ARID3A: variants seen among roughly 807,000 people sequenced by gnomAD.
ARID3A encodes AT-rich interaction domain 3A.
A neutral mutation model predicts 52.7 loss-of-function variants in ARID3A; 11 were observed. The observed-to-expected ratio is 0.21, with a 90% CI of 0.13 to 0.35. The LOEUF (loss-of-function observed/expected upper bound fraction) is 0.35. Ranked by LOEUF, ARID3A falls within the 10% of genes least tolerant of loss-of-function variation. The pLI, the probability that ARID3A is intolerant of heterozygous loss-of-function variation, is 1.00. For synonymous variants in ARID3A, 404 were observed against 359.4 expected (o/e 1.12, Z -1.40); for missense variants, 721 against 838.5 (o/e 0.86, Z 1.73).
At chr19:948,148 A>G (rs1185800602) in intron 3 of ARID3A, among the ~76,000 whole-genome samples, 1 of 150,096 alleles carries the variant, frequency 6.7e-6, no homozygotes, top group Non-Finnish European at 1.5e-5. Context: ...GTTTCCCTTC[A>G]CAGCCCACCC....
intron 6 of ARID3A, 131 bp from the exon 7 acceptor site, chr19:966,441 A>G (rs2038155365): frequency 2.5e-6 from 2 of 808,058 alleles, no homozygotes; most frequent in South Asian, 2.7e-5. Context: ...CTGGGCAACA[A>G]GAGTGAAACT....
chr19:933,846 T>TCG (rs1555726110), intron 3 of ARID3A, among the ~76,000 whole-genome samples: 2 of 43,292 alleles, frequency 4.6e-5, no homozygotes, highest in South Asian at 1.5e-3. Context: ...GGGGACTCGG[T>TCG]GGGGGGGGGG....
At chr19:963,960 C>G (rs1257238383) in intron 4 of ARID3A, among the ~76,000 whole-genome samples, 3 of 152,216 alleles carry the variant, frequency 2.0e-5, no homozygotes, top group Non-Finnish European at 2.9e-5. Flanking sequence ...GTCTCCCGCA[C>G]GTCCCTCCTC....
Position 959,268 on chromosome 19 carries a change from A to G in ARID3A, c.694-824A>G, listed in dbSNP as rs1291296814. Among the ~76,000 whole-genome samples the G allele has an allele frequency of 6.6e-6, 1 of 152,118 alleles. No individual in the cohort carries two copies. The highest frequency in any genetic ancestry group is 1.5e-5 in the Non-Finnish European group (1 of 68,018). On this transcript the variant is annotated intron_variant, in intron 3 of 8. Transcript: ENST00000263620. The surrounding 1 kb of genome is among the most constrained non-coding windows in gnomAD (Gnocchi z 5.0). ...TCGGAGGGAACGCAACCCTGCAGAC[A>G]TCTTTTGTTTTGTTTTGTTTTTAGA...
intron 1 of ARID3A, among the ~76,000 whole-genome samples, chr19:926,425 G>T (rs2037200306): frequency 6.6e-6 from 1 of 151,666 alleles, no homozygotes; most frequent in African/African-American, 2.4e-5. Flanking sequence ...GGCGAGCAGG[G>T]GCGATCGGGG....
intron 4 of ARID3A, among the ~76,000 whole-genome samples, chr19:963,941 G>C (rs915951534): frequency 1.3e-5 from 2 of 152,196 alleles, no homozygotes. Flanking sequence ...GAATAACAAA[G>C]ATCCGGGCGT....
At chr19:931,744 C>T (rs763183669) in intron 2 of ARID3A, among the ~76,000 whole-genome samples, 2 of 148,256 alleles carry the variant, frequency 1.3e-5, no homozygotes, top group Non-Finnish European at 1.5e-5. Flanking sequence ...ACCCGGGAGG[C>T]GGAGCTTGCA....
At chr19:963,101 C>CGGG (rs2145448935) in intron 4 of ARID3A, among the ~76,000 whole-genome samples, 1 of 152,182 alleles carries the variant, frequency 6.6e-6, no homozygotes, top group African/African-American at 2.4e-5. Flanking sequence ...CCGGGGGTTC[C>CGGG]GGGGGTAGCA....
chr19:959,976 C>T lies in ARID3A; in HGVS notation c.694-116C>T, dbSNP rs2038004827. On this transcript the variant is annotated intron_variant, in intron 3 of 8. Transcript: ENST00000263620. The surrounding 1 kb of genome is among the most constrained non-coding windows in gnomAD (Gnocchi z 5.0). ...CGGCTCTGGCAGCGGCTTGAGGGTCCTAGGGGTGGTGACCCCTGCTCCTGT... is the reference window on the plus strand; with the variant it reads ...CGGCTCTGGCAGCGGCTTGAGGGTCTTAGGGGTGGTGACCCCTGCTCCTGT... 3.7e-6 allele frequency: 3 copies of T among 810,886 alleles called. No individual in the cohort carries two copies. Among genetic ancestry groups the T allele is most frequent in the Admixed American group, 2.7e-5 (1 of 36,720 alleles). 50.2% of individuals were successfully genotyped at this position (810,886 alleles called of 1,614,324 possible).
At chr19:934,241 G>A (rs1327133015) in intron 3 of ARID3A, among the ~76,000 whole-genome samples, 1 of 152,134 alleles carries the variant, frequency 6.6e-6, no homozygotes, top group Non-Finnish European at 1.5e-5. Context: ...GTCCTTCGGG[G>A]GTCAGAGGTG....
Position 964,513 on chromosome 19 carries a change from G to T in ARID3A, c.950+82G>T, listed in dbSNP as rs1438332612. 3.4e-6 allele frequency: 5 copies of T among 1,466,816 alleles called. No homozygotes were observed. The highest frequency in any genetic ancestry group is 3.6e-6 in the Non-Finnish European group (4 of 1,098,272). The allele number at this position is 1,466,816 out of a possible 1,614,324, so 90.9% of individuals were successfully genotyped here. A position where few individuals can be genotyped will look rare whatever the true frequency, so the allele number is the denominator to read the frequency against. On this transcript the variant is annotated intron_variant, in intron 5 of 8. Transcript: ENST00000263620. The surrounding 1 kb of genome is among the most constrained non-coding windows in gnomAD (Gnocchi z 5.7). ...AAGGGGCCTGCAGAAGAGGGAGGGG[G>T]TGGTGGGCAGCTGCAGAGGAGGGGG...
intron 8 of ARID3A, among the ~76,000 whole-genome samples, chr19:969,607 G>A (rs1330203115): frequency 6.6e-6 from 1 of 150,952 alleles, no homozygotes; most frequent in Non-Finnish European, 1.5e-5. Context: ...GATATATATA[G>A]ATTAGATATA....
chr19:932,466 TGAGGAGGAG>T lies in ARID3A; in HGVS notation c.429_437del (p.Glu143_Glu145del). On this transcript the variant is annotated inframe_deletion, in exon 3 of 9. Transcript: ENST00000263620. ...AGATGGAGGAAGACCTCGGGGAGGA[TGAGGAGGAG>T]GAGGAGGAGGATTACGAGGATGAGG... 4 of 1,569,766 alleles carry T rather than the reference TGAGGAGGAG, an allele frequency of 2.5e-6. No homozygotes were observed. Among genetic ancestry groups the T allele is most frequent in the Non-Finnish European group, 2.6e-6 (3 of 1,163,282 alleles).
chr19:968,519 C>T lies in ARID3A; in HGVS notation c.1594+16C>T. The T allele has an allele frequency of 6.2e-7, 1 of 1,610,516 alleles. No individual in the cohort carries two copies. Among genetic ancestry groups the T allele is most frequent in the Non-Finnish European group, 8.5e-7 (1 of 1,177,328 alleles). Reference sequence around the variant, plus strand: ...ATGTACACAGGTAGGACCCCTGAGGCCACGCCCTGCCTGGACCTCGCCTCT... The same window carrying T: ...ATGTACACAGGTAGGACCCCTGAGGTCACGCCCTGCCTGGACCTCGCCTCT... On this transcript the variant is annotated intron_variant, in intron 8 of 8. Transcript: ENST00000263620.
intron 2 of ARID3A, among the ~76,000 whole-genome samples, chr19:931,494 A>G (rs1314943772): frequency 6.6e-6 from 1 of 151,082 alleles, no homozygotes; most frequent in East Asian, 1.9e-4. Flanking sequence ...AGCAGCAAAG[A>G]AGCAGGTGAT....
intron 1 of ARID3A, among the ~76,000 whole-genome samples, chr19:927,335 G>T (rs567327325): frequency 1.5e-5 from 2 of 135,924 alleles, no homozygotes; most frequent in Admixed American, 7.4e-5. Flanking sequence ...TCTGAAGGGG[G>T]TGGGCGTAGC....
Position 960,045 on chromosome 19 carries a change from A to ACCTC in ARID3A, c.694-44_694-43insCCCT. On this transcript the variant is annotated intron_variant, in intron 3 of 8. Transcript: ENST00000263620. This position sits in a 1 kb window ranked among gnomAD's most constrained non-coding sequence, Gnocchi z 4.3. ...AGTGCAGGAGGGACATGGTTCCCAC[A>ACCTC]CCTGAGCTCTGGCACCAACTAACCC... 6.4e-7 allele frequency: 1 copy of ACCTC among 1,551,664 alleles called. No individual in the cohort carries two copies. The highest frequency in any genetic ancestry group is 8.9e-7 in the Non-Finnish European group (1 of 1,128,770).
chr19:926,891 C>T (rs542512282), intron 1 of ARID3A, among the ~76,000 whole-genome samples: 2 of 152,100 alleles, frequency 1.3e-5, no homozygotes, highest in Admixed American at 6.5e-5. Context: ...GTTCCCCCCC[C>T]CATGCAAATC....
intron 4 of ARID3A, among the ~76,000 whole-genome samples, chr19:963,959 A>T (rs2038094554): frequency 6.6e-6 from 1 of 152,184 alleles, no homozygotes; most frequent in Non-Finnish European, 1.5e-5. Flanking sequence ...CGTCTCCCGC[A>T]CGTCCCTCCT....
Sources: allele counts gnomAD v4.1 joint callset (sites outside exome capture counted in the v4.1 genomes callset), GRCh38; gene constraint gnomAD v4.1.1; non-coding constraint Gnocchi (gnomAD v3.1); transcripts MANE v1.5; gene names NCBI Gene and HGNC (gene_info 2026-07-23, HGNC 2026-07-21).